The following ADGRB3 variants were observed in gnomAD, a reference collection of about 807,000 sequenced individuals.
ADGRB3 encodes brain-specific angiogenesis inhibitor 3.
Under a neutral mutation model 193.4 loss-of-function variants are expected in ADGRB3, and 37 were observed. The observed-to-expected ratio is 0.19, with a 90% confidence interval of 0.15 to 0.25. The LOEUF (loss-of-function observed/expected upper bound fraction) is 0.25, where lower values mean the gene tolerates loss of function less well. Ranked by LOEUF, ADGRB3 falls within the 10% of genes least tolerant of loss-of-function variation. The probability of loss-of-function intolerance (pLI) is 1.00; values close to 1 mark genes in which losing one functional copy is unlikely to be tolerated. For missense variants in ADGRB3, 1,637 were observed against 1,852.9 expected (o/e 0.88, Z 2.14); for synonymous variants, 690 against 644.2 (o/e 1.07, Z -1.08).
At chr6:68,806,273 C>T (rs1176605784) in intron 3 of ADGRB3, among the ~76,000 whole-genome samples, 1 of 152,158 alleles carries the variant, frequency 6.6e-6, no homozygotes, top group African/African-American at 2.4e-5. Flanking sequence ...TTCCAGATAA[C>T]TTTTATAACA....
chr6:69,122,186 C>A (rs926574468), intron 17 of ADGRB3, among the ~76,000 whole-genome samples: 1 of 151,888 alleles, frequency 6.6e-6, no homozygotes. Context: ...GGCGAGACTC[C>A]GTCTGCAATC....
chr6:69,300,031 A>G (rs1767916615), intron 20 of ADGRB3, among the ~76,000 whole-genome samples: 1 of 151,874 alleles, frequency 6.6e-6, no homozygotes, highest in African/African-American at 2.4e-5. Context: ...AAAGGAAACT[A>G]CAGACCAATG....
intron 3 of ADGRB3, among the ~76,000 whole-genome samples, chr6:68,864,033 A>G (rs1288662573): frequency 6.6e-6 from 1 of 152,120 alleles, no homozygotes; most frequent in Admixed American, 6.5e-5. Flanking sequence ...TTATACCCCT[A>G]TCAATTCTTC....
intron 17 of ADGRB3, among the ~76,000 whole-genome samples, chr6:69,103,148 G>T (rs191849944): frequency 6.6e-6 from 1 of 152,276 alleles, no homozygotes; most frequent in Non-Finnish European, 1.5e-5. Flanking sequence ...TTTGTAAGGT[G>T]GATGGCATAA....
chr6:69,296,292 G>GA (rs1767815359), intron 20 of ADGRB3, among the ~76,000 whole-genome samples: 1 of 152,128 alleles, frequency 6.6e-6, no homozygotes, highest in African/African-American at 2.4e-5. Context: ...TAATCACAGT[G>GA]AAAAACTAGC....
intron 16 of ADGRB3, among the ~76,000 whole-genome samples, chr6:69,069,989 C>T (rs1484809855): frequency 6.6e-6 from 1 of 152,070 alleles, no homozygotes. Context: ...AATACAGTGT[C>T]AGTTGAAGAG....
intron 17 of ADGRB3, among the ~76,000 whole-genome samples, chr6:69,210,149 CATATAT>C (rs58586306): frequency 3.8e-5 from 3 of 78,932 alleles, no homozygotes; most frequent in South Asian, 6.6e-4. Flanking sequence ...TAATATATAT[CATATAT>C]ATATATATAT....
intron 10 of ADGRB3, among the ~76,000 whole-genome samples, chr6:68,977,218 T>C (rs1768776704): frequency 3.3e-5 from 5 of 151,586 alleles, no homozygotes; most frequent in Admixed American, 3.3e-4. Context: ...ATATAAAGCT[T>C]CTTTTATTAA....
chr6:68,924,102 T>G (rs1278317906), intron 3 of ADGRB3, among the ~76,000 whole-genome samples: 3 of 152,208 alleles, frequency 2.0e-5, no homozygotes, highest in Middle Eastern at 3.4e-3. Flanking sequence ...TATGTGCTTC[T>G]CATCACCAAC....
chr6:69,164,003 C>T (rs983285093), intron 17 of ADGRB3, among the ~76,000 whole-genome samples: 2 of 152,078 alleles, frequency 1.3e-5, no homozygotes, highest in Non-Finnish European at 2.9e-5. Flanking sequence ...TTCCCTGCCC[C>T]TCTTAATTAG....
At chr6:69,190,040 G>A (rs1375750553) in intron 17 of ADGRB3, among the ~76,000 whole-genome samples, 3 of 152,114 alleles carry the variant, frequency 2.0e-5, no homozygotes, top group African/African-American at 7.2e-5. Context: ...ATAAAGTAGA[G>A]CACATACAAT....
At chr6:69,309,485 T>C (rs908399144) in intron 20 of ADGRB3, among the ~76,000 whole-genome samples, 2 of 151,738 alleles carry the variant, frequency 1.3e-5, no homozygotes, top group African/African-American at 4.8e-5. Flanking sequence ...GAGGCTGTAA[T>C]TGAGAACTGA....
intron 29 of ADGRB3, among the ~76,000 whole-genome samples, chr6:69,368,807 T>C (rs1431208480): frequency 6.6e-6 from 1 of 152,048 alleles, no homozygotes; most frequent in Non-Finnish European, 1.5e-5. Context: ...GACCTTGGAA[T>C]TTGACCAGAT....
intron 3 of ADGRB3, among the ~76,000 whole-genome samples, chr6:68,873,005 A>G (rs1378112331): frequency 6.6e-6 from 1 of 152,160 alleles, no homozygotes; most frequent in Non-Finnish European, 1.5e-5. Context: ...TTGGCTGTTT[A>G]GATTCATTAA....
chr6:68,911,713 A>G (rs190676008), intron 3 of ADGRB3, among the ~76,000 whole-genome samples: 32 of 152,348 alleles, frequency 2.1e-4, no homozygotes, highest in African/African-American at 7.0e-4. Context: ...CTTTGCAAAA[A>G]TAAGTTTAAG....
chr6:69,259,896 G>C (rs1192849429), intron 20 of ADGRB3, among the ~76,000 whole-genome samples: 1 of 151,932 alleles, frequency 6.6e-6, no homozygotes, highest in Admixed American at 6.6e-5. Flanking sequence ...TTTCCTTGTA[G>C]GTTATAATAA....
intron 17 of ADGRB3, chr6:69,232,976 G>T (rs148764661): frequency 2.3e-4 from 99 of 431,748 alleles, no homozygotes; most frequent in Non-Finnish European, 2.3e-4. Context: ...ACGCTCTGGC[G>T]GCTGCTCGTG....
chr6:69,029,556 T>A (rs1484388259), intron 13 of ADGRB3, among the ~76,000 whole-genome samples: 1 of 152,162 alleles, frequency 6.6e-6, no homozygotes, highest in Non-Finnish European at 1.5e-5. Context: ...ATATATAGAA[T>A]GCACATTAAT....
chr6:69,149,348 T>C lies in ADGRB3; in HGVS notation c.2480+73310T>C, dbSNP rs1195079321. Among the ~76,000 whole-genome samples, 5 of 152,040 alleles carry C rather than the reference T, an allele frequency of 3.3e-5. No homozygotes were observed. In the East Asian group the frequency reaches 7.8e-4, roughly 24 times the overall value. On this transcript the variant is annotated intron_variant, in intron 17 of 31. Coordinates refer to ENST00000370598, the MANE Select transcript of ADGRB3 (RefSeq NM_001704.3). ...GTAGACTCTGATGCATTCTTTAGTA[T>C]GTCAGTTGCATTTTTCAGCTCGGAA...
Sources: gnomAD v4.1 joint callset for allele counts (sites outside exome capture counted in the v4.1 genomes callset) on GRCh38, gnomAD v4.1.1 for gene constraint, MANE v1.5 for transcripts, NCBI Gene and HGNC (gene_info 2026-07-23, HGNC 2026-07-21) for gene names.